Variants in SNX30 observed in about 807,000 individuals in gnomAD.
SNX30 encodes the protein sorting nexin-30.
SNX30 carries 24 observed loss-of-function variants against 46.4 expected under a neutral mutation model. The ratio of observed to expected loss-of-function variants is 0.52; its 90% CI spans 0.37 to 0.73. SNX30 has a LOEUF of 0.73. SNX30 is among the 30% of genes least tolerant of loss of function. The pLI is 0.00. For synonymous variants in SNX30, 189 were observed against 211.5 expected, an observed-to-expected ratio of 0.89 and a Z score of 0.92; for missense variants, 533 against 555.7, an observed-to-expected ratio of 0.96 and a Z score of 0.41.
At chr9:112,769,408 TCCC>T (rs1839608519) in intron 1 of SNX30, among the ~76,000 whole-genome samples, 1 of 152,286 alleles carries the variant, frequency 6.6e-6, no homozygotes, top group East Asian at 1.9e-4. Flanking sequence ...AGTGTCCACT[TCCC>T]CAAGAGCTTG....
intron 2 of SNX30, among the ~76,000 whole-genome samples, chr9:112,812,575 A>C (rs1269728681): frequency 6.6e-6 from 1 of 152,032 alleles, no homozygotes; most frequent in Non-Finnish European, 1.5e-5. Context: ...TTTCATGATA[A>C]CTTCTTACGT....
At chr9:112,878,779 G>C (rs1241825497), downstream of SNX30, 1 of 152,198 alleles carries the variant, frequency 6.6e-6, no homozygotes, top group Non-Finnish European at 1.5e-5. Context: ...TTCATTCCCT[G>C]CAAGAGGATT....
At chr9:112,882,486 C>G (rs543379104), downstream of SNX30, among the ~76,000 whole-genome samples, 3 of 152,282 alleles carry the variant, frequency 2.0e-5, no homozygotes, top group South Asian at 6.2e-4. Context: ...CTGATTCACA[C>G]TTTAAGGACC....
At chr9:112,778,683 CATGTAAGA>C (rs1172633509) in intron 1 of SNX30, among the ~76,000 whole-genome samples, 1 of 152,188 alleles carries the variant, frequency 6.6e-6, no homozygotes, top group Non-Finnish European at 1.5e-5. Context: ...GACAGATAAG[CATGTAAGA>C]CCAGAGATAT....
At chr9:112,834,880 A>C (rs984777670) in intron 4 of SNX30, among the ~76,000 whole-genome samples, 8 of 79,128 alleles carry the variant, frequency 1.0e-4, no homozygotes, top group South Asian at 9.2e-4. Context: ...ACACACACAC[A>C]CACCTACCTC....
At chr9:112,882,904 T>C (rs10156558), downstream of SNX30, among the ~76,000 whole-genome samples, 91,303 of 152,006 alleles carry the variant, frequency 0.6, 27,784 homozygotes, top group East Asian at 0.67. Flanking sequence ...CCCAAACAAT[T>C]CCTACATGGG....
downstream of SNX30, chr9:112,879,718 G>T (rs760552001): frequency 4.5e-6 from 7 of 1,565,026 alleles, no homozygotes; most frequent in East Asian, 2.2e-5. Context: ...TCTTCTGGGG[G>T]CCTGGCCATG....
chr9:112,859,727 G>A (rs1380987729), intron 7 of SNX30, among the ~76,000 whole-genome samples: 3 of 148,362 alleles, frequency 2.0e-5, no homozygotes, highest in Admixed American at 6.8e-5. Flanking sequence ...GGCTGGTCTC[G>A]AACTCCTGAC....
At chr9:112,807,625 T>G (rs1840251584) in intron 2 of SNX30, among the ~76,000 whole-genome samples, 1 of 152,248 alleles carries the variant, frequency 6.6e-6, no homozygotes, top group South Asian at 2.1e-4. Flanking sequence ...TTTTCTTGAC[T>G]TAGTGCTGTA....
intron 1 of SNX30, among the ~76,000 whole-genome samples, chr9:112,760,222 C>A (rs552224567): frequency 6.6e-6 from 1 of 152,126 alleles, no homozygotes; most frequent in African/African-American, 2.4e-5. Context: ...TAAGTAGAAC[C>A]CAGGAGCTTC....
chr9:112,876,841 C>G (rs974159795), downstream of SNX30, among the ~76,000 whole-genome samples: 1 of 150,918 alleles, frequency 6.6e-6, no homozygotes, highest in African/African-American at 2.4e-5. Flanking sequence ...GTGGCTGAGG[C>G]AGGAGAATTG....
At chr9:112,854,967 G>A (rs914694911) in intron 7 of SNX30, among the ~76,000 whole-genome samples, 3 of 152,202 alleles carry the variant, frequency 2.0e-5, no homozygotes, top group African/African-American at 7.2e-5. Context: ...TAGGAATGTG[G>A]GCGGAGAACT....
intron 1 of SNX30, among the ~76,000 whole-genome samples, chr9:112,789,225 A>G (rs1355947333): frequency 6.6e-6 from 1 of 152,206 alleles, no homozygotes; most frequent in Non-Finnish European, 1.5e-5. Context: ...ATCCTTGACC[A>G]GCAGCAGAGG....
chr9:112,767,168 T>C (rs1839556329), intron 1 of SNX30, among the ~76,000 whole-genome samples: 2 of 151,876 alleles, frequency 1.3e-5, no homozygotes, highest in African/African-American at 4.8e-5. Flanking sequence ...TGTGGGGTTA[T>C]AGCTCATTGC....
At chr9:112,792,096 C>T (rs1413406574) in intron 1 of SNX30, among the ~76,000 whole-genome samples, 4 of 152,070 alleles carry the variant, frequency 2.6e-5, no homozygotes, top group Non-Finnish European at 5.9e-5. Flanking sequence ...TGAAAGGTTT[C>T]TGCATTTTAA....
intron 6 of SNX30, among the ~76,000 whole-genome samples, chr9:112,846,037 G>A (rs1840935959): frequency 6.6e-6 from 1 of 151,996 alleles, no homozygotes; most frequent in African/African-American, 2.4e-5. Flanking sequence ...AGAACAAAGA[G>A]CTCTTGGAAA....
intron 3 of SNX30, among the ~76,000 whole-genome samples, chr9:112,826,579 A>G (rs893710352): frequency 6.6e-6 from 1 of 152,196 alleles, no homozygotes; most frequent in Admixed American, 6.5e-5. Flanking sequence ...AAATGGGTCA[A>G]GGACACAGAT....
chr9:112,790,913 A>G (rs1439923992), intron 1 of SNX30, among the ~76,000 whole-genome samples: 2 of 152,200 alleles, frequency 1.3e-5, no homozygotes, highest in Admixed American at 1.3e-4. Flanking sequence ...TCTTCTCTAT[A>G]TTATTGCGGT....
At chr9:112,789,843 T>C (rs578175704) in intron 1 of SNX30, among the ~76,000 whole-genome samples, 1 of 152,340 alleles carries the variant, frequency 6.6e-6, no homozygotes, top group Admixed American at 6.5e-5. Flanking sequence ...AGGGCAGATT[T>C]TCTAATAGAA....
Sources: gnomAD v4.1 joint callset for allele counts (sites outside exome capture counted in the v4.1 genomes callset) on GRCh38, gnomAD v4.1.1 for gene constraint, MANE v1.5 for transcripts, NCBI Gene and HGNC (gene_info 2026-07-23, HGNC 2026-07-21) for gene names.